Variants in GPR137C observed in about 807,000 individuals in gnomAD.
The protein encoded by GPR137C is integral membrane protein GPR137C.
A neutral mutation model predicts 43.4 loss-of-function variants in GPR137C; 27 were observed. The ratio of observed to expected loss-of-function variants is 0.62; its 90% CI spans 0.46 to 0.86. The LOEUF is 0.86. Among genes scored for constraint, GPR137C ranks in the 40% least tolerant of loss-of-function variants. The probability of loss-of-function intolerance (pLI) is 0.00; values close to 1 mark genes in which losing one functional copy is unlikely to be tolerated. For synonymous variants in GPR137C, 285 were observed against 226.9 expected, an observed-to-expected ratio of 1.26 and a Z score of -2.30; for missense variants, 522 against 534.6, an observed-to-expected ratio of 0.98 and a Z score of 0.23.
chr14:52,571,508 A>G (rs546144911), intron 1 of GPR137C, among the ~76,000 whole-genome samples: 6 of 152,238 alleles, frequency 3.9e-5, no homozygotes, highest in African/African-American at 7.2e-5. Flanking sequence ...CCCCGTCTCT[A>G]CTAAAAATAT....
chr14:52,599,061 G>A (rs2038891904), intron 2 of GPR137C, among the ~76,000 whole-genome samples: 1 of 152,150 alleles, frequency 6.6e-6, no homozygotes. Context: ...CAATATATCA[G>A]GAAGCCAGAT....
At chr14:52,611,516 C>G in intron 3 of GPR137C, 1 of 357,648 alleles carries the variant, frequency 2.8e-6, no homozygotes, top group Non-Finnish European at 3.9e-6. Context: ...AGGATACAAC[C>G]TCCTTTTGTT....
chr14:52,607,425 C>T (rs2038994439), intron 3 of GPR137C, among the ~76,000 whole-genome samples: 1 of 152,188 alleles, frequency 6.6e-6, no homozygotes, highest in Admixed American at 6.5e-5. Flanking sequence ...CAGTTTATCT[C>T]TCCCTTTAGC....
chr14:52,580,361 G>GA (rs145239739), intron 1 of GPR137C, among the ~76,000 whole-genome samples: 17,194 of 150,504 alleles, frequency 0.11, 1,283 homozygotes, highest in East Asian at 0.39. Flanking sequence ...GAGACTAAAA[G>GA]AAAAAAAAAT....
intron 1 of GPR137C, among the ~76,000 whole-genome samples, chr14:52,569,422 A>C (rs1426728374): frequency 1.3e-5 from 2 of 152,110 alleles, no homozygotes; most frequent in Admixed American, 6.5e-5. Flanking sequence ...GCAAGGGAAC[A>C]AAACTGGATG....
At chr14:52,568,162 A>G (rs1414308829) in intron 1 of GPR137C, among the ~76,000 whole-genome samples, 2 of 152,132 alleles carry the variant, frequency 1.3e-5, no homozygotes, top group Non-Finnish European at 2.9e-5. Flanking sequence ...GGTGAGCAGA[A>G]GCAGGGTGGG....
At chr14:52,561,837 C>A (rs920418983) in intron 1 of GPR137C, among the ~76,000 whole-genome samples, 1 of 152,018 alleles carries the variant, frequency 6.6e-6, no homozygotes, top group Non-Finnish European at 1.5e-5. Context: ...GGAGGACTTA[C>A]AAAAAGAGGG....
chr14:52,616,601 G>A (rs1338536127), intron 3 of GPR137C, among the ~76,000 whole-genome samples: 1 of 151,936 alleles, frequency 6.6e-6, no homozygotes, highest in Non-Finnish European at 1.5e-5. Flanking sequence ...GCCATGTTAG[G>A]TTCCTCGTCT....
intron 1 of GPR137C, among the ~76,000 whole-genome samples, chr14:52,560,225 A>G (rs1251033504): frequency 1.3e-5 from 2 of 152,186 alleles, no homozygotes; most frequent in Non-Finnish European, 2.9e-5. Flanking sequence ...AAAGATGTGC[A>G]AGACCTCTAC....
chr14:52,608,161 A>G (rs528666991), intron 3 of GPR137C, among the ~76,000 whole-genome samples: 7 of 150,352 alleles, frequency 4.7e-5, no homozygotes, highest in South Asian at 4.2e-4. Context: ...TTCTTTTCTA[A>G]CTCCTCTCTT....
At position 52,553,600 on chromosome 14, in the gene GPR137C, G is replaced by T; in HGVS notation, c.444+9G>T. The stretch of plus-strand genomic sequence containing the variant: ...ACCTCTACCTGGCGGAGGTAAGGCG[G>T]GAGGGCCGGCATGCGGGGCCCGGGC... On this transcript the variant is annotated intron_variant, in intron 1 of 6. Transcript: ENST00000321662. 6.4e-7 allele frequency: 1 copy of T among 1,555,682 alleles called. No individual in the cohort carries two copies.
chr14:52,559,702 G>T (rs926324207), intron 1 of GPR137C, among the ~76,000 whole-genome samples: 1 of 152,158 alleles, frequency 6.6e-6, no homozygotes, highest in African/African-American at 2.4e-5. Flanking sequence ...AAAGAAAAAG[G>T]TTCGAAAATT....
chr14:52,575,298 G>T (rs2038534389), intron 1 of GPR137C, among the ~76,000 whole-genome samples: 1 of 152,162 alleles, frequency 6.6e-6, no homozygotes, highest in Admixed American at 6.5e-5. Flanking sequence ...AGGGGGCTGA[G>T]GTTGGAGGAT....
chr14:52,554,023 C>T (rs1375164366), intron 1 of GPR137C, among the ~76,000 whole-genome samples: 1 of 152,178 alleles, frequency 6.6e-6, no homozygotes. Context: ...CTGCTGCCAG[C>T]CATTACGTCA....
intron 3 of GPR137C, among the ~76,000 whole-genome samples, chr14:52,623,326 T>A (rs574041005): frequency 6.6e-6 from 1 of 152,318 alleles, no homozygotes; most frequent in Non-Finnish European, 1.5e-5. Flanking sequence ...AAACTTTCCA[T>A]CCAGCAGGCA....
intron 1 of GPR137C, among the ~76,000 whole-genome samples, chr14:52,590,180 G>T: frequency 6.6e-6 from 1 of 151,776 alleles, no homozygotes; most frequent in East Asian, 1.9e-4. Context: ...AAGCTAATGG[G>T]TGTATTTATG....
chr14:52,572,618 A>G lies in GPR137C; in HGVS notation c.444+19027A>G, dbSNP rs547925146. Among the ~76,000 whole-genome samples the G allele has an allele frequency of 3.3e-5, 5 of 152,328 alleles. No individual in the cohort carries two copies. In the South Asian group the frequency reaches 1.0e-3, roughly 32 times the overall value. The stretch of plus-strand genomic sequence containing the variant: ...CTTCTCAAAACAGTAAGAGCTATTT[A>G]TGACAAACCCACAGCCAATATCATA... On this transcript the variant is annotated intron_variant, in intron 1 of 6. Coordinates refer to ENST00000321662, the MANE Select transcript of GPR137C (RefSeq NM_001099652.2).
rs116195040 is a variant in GPR137C, at chr14:52,596,730, C to T, written c.445-1542C>T. On this transcript the variant is annotated intron_variant, in intron 1 of 6. Transcript: ENST00000321662. ...CCATTCCTCCAGGTACAGTCTGTCA[C>T]GGCTTCCCTTGCTTAGGAAAGGGAA... Among the ~76,000 whole-genome samples, 1,052 of 152,320 alleles carry T rather than the reference C, an allele frequency of 6.9e-3. 14 individuals are homozygous for T. Among genetic ancestry groups the T allele is most frequent in the African/African-American group, 0.024 (995 of 41,564 alleles).
At chr14:52,604,221 TTTG>T (rs1480215464) in intron 3 of GPR137C, among the ~76,000 whole-genome samples, 1 of 152,200 alleles carries the variant, frequency 6.6e-6, no homozygotes, top group Non-Finnish European at 1.5e-5. Flanking sequence ...GTCACTTCAC[TTTG>T]TTAATTGTTT....
Sources: allele counts gnomAD v4.1 joint callset (sites outside exome capture counted in the v4.1 genomes callset), GRCh38; gene constraint gnomAD v4.1.1; transcripts MANE v1.5; gene names NCBI Gene and HGNC (gene_info 2026-07-23, HGNC 2026-07-21).